The following GPATCH8 variants were observed in gnomAD, a reference collection of about 807,000 sequenced individuals.
GPATCH8 encodes the protein G patch domain-containing protein 8.
A neutral mutation model predicts 118.3 loss-of-function variants in GPATCH8; 18 were observed. The observed-to-expected ratio is 0.15, with a 90% CI of 0.11 to 0.23. The LOEUF (loss-of-function observed/expected upper bound fraction) is 0.23. GPATCH8 is among the 10% of genes least tolerant of loss of function. GPATCH8 has a pLI of 1.00. For missense variants in GPATCH8, 1,631 were observed against 1,873.8 expected (o/e 0.87, Z 2.39); for synonymous variants, 659 against 684.7 (o/e 0.96, Z 0.59).
chr17:44,494,770 G>T (rs1053637364), intron 1 of GPATCH8, among the ~76,000 whole-genome samples: 1 of 152,150 alleles, frequency 6.6e-6, no homozygotes, highest in Non-Finnish European at 1.5e-5. Context: ...CTATAAGAAA[G>T]AGGGCTTTGA....
chr17:44,400,603 C>G lies in GPATCH8; in HGVS notation c.1474G>C (p.Asp492His). The G allele has an allele frequency of 6.2e-7, 1 of 1,614,128 alleles. No individual in the cohort carries two copies. The highest frequency in any genetic ancestry group is 8.5e-7 in the Non-Finnish European group (1 of 1,179,986). Residue 492 changes from aspartate (D) to histidine (H), a missense_variant, in exon 8 of 8, where the codon GAT becomes CAT. Around this residue, in one of 8 missense-constraint regions of GPATCH8, gnomAD observed 405 missense variants for 462.7 expected, o/e 0.88. Transcript: ENST00000591680. ...TGACTATGACTTTCTAAACTCTGAT[C>G]ACTTACATCCCCTCCTAAGGCCTTC... The part of the protein sequence containing the change: ...AKKALGGDVS[D>H]QSLESHSQKV...
At chr17:44,437,664 A>T in intron 3 of GPATCH8, among the ~76,000 whole-genome samples, 1 of 152,012 alleles carries the variant, frequency 6.6e-6, no homozygotes, top group Non-Finnish European at 1.5e-5. Flanking sequence ...CCCCAAAAAA[A>T]ACTTTTTAAA....
At position 44,442,058 on chromosome 17, in the gene GPATCH8, A is replaced by AAT. The variant is rs1350436682; in HGVS notation, c.194-5515_194-5514dup. Among the ~76,000 whole-genome samples the AAT allele has an allele frequency of 4.3e-3, 634 of 147,292 alleles. 4 individuals are homozygous for AAT. The highest frequency in any genetic ancestry group is 0.015 in the African/African-American group (610 of 39,958). On this transcript the variant is annotated intron_variant, in intron 3 of 7. Transcript: ENST00000591680. Reference sequence around the variant, plus strand: ...AGACAAAAATAAAATAAAATAAAATAATATATATATACACATATATATGTG... The same window carrying AAT: ...AGACAAAAATAAAATAAAATAAAATAATATATATATATACACATATATATGTG...
intron 3 of GPATCH8, among the ~76,000 whole-genome samples, chr17:44,449,190 T>A (rs2144160086): frequency 6.6e-6 from 1 of 152,148 alleles, no homozygotes; most frequent in East Asian, 1.9e-4. Context: ...GGCAGAAGAA[T>A]CACTTGAACC....
At chr17:44,403,713 G>A (rs2049114303) in intron 7 of GPATCH8, among the ~76,000 whole-genome samples, 1 of 146,344 alleles carries the variant, frequency 6.8e-6, no homozygotes, top group South Asian at 2.1e-4. Flanking sequence ...TTTCTCCCAA[G>A]CTGGAGTTTT....
chr17:44,454,195 G>A (rs764359049), intron 3 of GPATCH8, among the ~76,000 whole-genome samples: 1 of 152,156 alleles, frequency 6.6e-6, no homozygotes, highest in Non-Finnish European at 1.5e-5. Flanking sequence ...CCAGGTTGGA[G>A]TGCAGTGGCA....
intron 1 of GPATCH8, among the ~76,000 whole-genome samples, chr17:44,501,017 G>T (rs1970021075): frequency 6.6e-6 from 1 of 152,020 alleles, no homozygotes; most frequent in Non-Finnish European, 1.5e-5. Flanking sequence ...ATGTACTTTA[G>T]AAATGTTAAC....
At position 44,400,465 on chromosome 17, in the gene GPATCH8, A is replaced by G. The variant is rs767847154; in HGVS notation, c.1612T>C (p.Phe538Leu). The G allele has an allele frequency of 6.2e-7, 1 of 1,614,066 alleles. No homozygotes were observed. The highest frequency in any genetic ancestry group is 1.3e-5 in the African/African-American group (1 of 74,928). Residue 538 changes from phenylalanine to leucine, a missense_variant, in exon 8 of 8, where the codon TTC (phenylalanine) becomes CTC (leucine). Coordinates refer to ENST00000591680, the MANE Select transcript of GPATCH8 (RefSeq NM_001002909.4). The stretch of plus-strand genomic sequence containing the variant: ...CTTTCATCTTTGCTCAAAACTGGGA[A>G]GAAGGGACCAGTAGGATGTTTGGGT... ...EGPKHPTGPF[F>L]PVLSKDESTA...
At chr17:44,426,848 A>ACTCT (rs71361571) in intron 5 of GPATCH8, among the ~76,000 whole-genome samples, 1,746 of 35,432 alleles carry the variant, frequency 0.049, 23 homozygotes, top group African/African-American at 0.11. Flanking sequence ...ACACACACAC[A>ACTCT]CTCTCTCTCT....
intron 1 of GPATCH8, among the ~76,000 whole-genome samples, chr17:44,498,290 C>G (rs1448710743): frequency 1.3e-5 from 2 of 152,268 alleles, no homozygotes; most frequent in East Asian, 3.9e-4. Flanking sequence ...GCATAATACT[C>G]TATTTGTCCA....
chr17:44,415,268 A>G (rs1354805595), intron 6 of GPATCH8, among the ~76,000 whole-genome samples: 1 of 152,172 alleles, frequency 6.6e-6, no homozygotes, highest in Middle Eastern at 3.2e-3. Flanking sequence ...TGGTATACAT[A>G]AATTTTGTGG....
intron 6 of GPATCH8, among the ~76,000 whole-genome samples, chr17:44,421,960 G>T (rs1375191147): frequency 6.6e-6 from 1 of 150,946 alleles, no homozygotes; most frequent in Non-Finnish European, 1.5e-5. Context: ...TTGGCTTCAT[G>T]TGACTCTGTC....
At chr17:44,442,120 T>TAGAGAGAGAG (rs537460604) in intron 3 of GPATCH8, among the ~76,000 whole-genome samples, 1 of 126,310 alleles carries the variant, frequency 7.9e-6, no homozygotes, top group Non-Finnish European at 1.7e-5. Context: ...TATATATATA[T>TAGAGAGAGAG]ATAGAGAGAG....
intron 1 of GPATCH8, among the ~76,000 whole-genome samples, chr17:44,476,179 G>A (rs1458662890): frequency 6.6e-6 from 1 of 151,618 alleles, no homozygotes; most frequent in Non-Finnish European, 1.5e-5. Flanking sequence ...AGACTACAGA[G>A]TCTTACAAAC....
intron 2 of GPATCH8, 55 bp downstream of exon 2, chr17:44,474,774 C>G (rs575806095): frequency 2.3e-6 from 2 of 868,856 alleles, no homozygotes; most frequent in Admixed American, 1.7e-5. Flanking sequence ...AAGTGTCACA[C>G]GAACACTACC....
intron 7 of GPATCH8, among the ~76,000 whole-genome samples, chr17:44,401,914 G>A (rs1264342692): frequency 1.3e-5 from 2 of 151,810 alleles, no homozygotes; most frequent in Non-Finnish European, 2.9e-5. Context: ...TGAGGCAGAA[G>A]AATCGCTCTA....
chr17:44,485,648 G>A (rs1004093032), intron 1 of GPATCH8, among the ~76,000 whole-genome samples: 1 of 152,058 alleles, frequency 6.6e-6, no homozygotes, highest in Non-Finnish European at 1.5e-5. Flanking sequence ...CAATGAGAGT[G>A]TCCCCACACT....
chr17:44,400,982 C>T lies in GPATCH8; in HGVS notation c.1095G>A (p.Gln365=). 6.2e-7 allele frequency: 1 copy of T among 1,611,998 alleles called. No individual in the cohort carries two copies. Among genetic ancestry groups the T allele is most frequent in the Non-Finnish European group, 8.5e-7 (1 of 1,178,004 alleles). ...LDGKKEDEDP[Q]DGGSLASTLS... ...ATGTTGAGGCAAGGGACCCTCCATC[C>T]TGAGGGTCTTCATCCTCTTTTTTAC... is the stretch of plus-strand genomic sequence containing the variant. The change falls in exon 8 of 8, where the codon CAG becomes CAA. Residue 365 remains glutamine, a synonymous_variant. Transcript: ENST00000591680.
chr17:44,467,920 C>T (rs192214329), intron 2 of GPATCH8, among the ~76,000 whole-genome samples: 1 of 152,234 alleles, frequency 6.6e-6, no homozygotes, highest in Non-Finnish European at 1.5e-5. Context: ...ACAAGAAACT[C>T]AATAACCAGT....
Sources: allele counts gnomAD v4.1 joint callset (sites outside exome capture counted in the v4.1 genomes callset), GRCh38; gene constraint gnomAD v4.1.1; regional missense constraint gnomAD v4.1.1; transcripts MANE v1.5; gene names NCBI Gene and HGNC (gene_info 2026-07-23, HGNC 2026-07-21).